Variants in CTNNA3 observed in about 807,000 individuals in gnomAD.
The protein encoded by CTNNA3 is catenin alpha 3, also known as catenin alpha-3.
In CTNNA3, 76 loss-of-function variants were observed where a neutral mutation model predicts 95.7. The observed-to-expected ratio is 0.79, with a 90% CI of 0.66 to 0.96. CTNNA3 has a LOEUF of 0.96. Among genes scored for constraint, CTNNA3 ranks in the 40% least tolerant of loss-of-function variants. The probability of loss-of-function intolerance (pLI) is 0.00; values close to 1 mark genes in which losing one functional copy is unlikely to be tolerated. For missense variants in CTNNA3, 1,191 were observed against 1,089.8 expected (o/e 1.09, Z -1.31); for synonymous variants, 431 against 374.4 (o/e 1.15, Z -1.74).
intron 1 of CTNNA3, among the ~76,000 whole-genome samples, chr10:67,669,587 TGA>T (rs1840394012): frequency 6.6e-6 from 1 of 152,334 alleles, no homozygotes; most frequent in African/African-American, 2.4e-5. Context: ...TGATGTGAAA[TGA>T]GACCTATAAA....
At chr10:65,957,132 C>T (rs2077747660) in intron 17 of CTNNA3, among the ~76,000 whole-genome samples, 1 of 152,104 alleles carries the variant, frequency 6.6e-6, no homozygotes, top group South Asian at 2.1e-4. Flanking sequence ...GATCCCTTTA[C>T]CATTATGTAA....
At chr10:67,478,456 C>T (rs1316040051) in intron 5 of CTNNA3, among the ~76,000 whole-genome samples, 1 of 152,070 alleles carries the variant, frequency 6.6e-6, no homozygotes, top group Non-Finnish European at 1.5e-5. Context: ...ATTTGTAAGC[C>T]AGGAGAGATT....
chr10:67,516,723 G>A (rs953920902), intron 5 of CTNNA3, among the ~76,000 whole-genome samples: 4 of 152,106 alleles, frequency 2.6e-5, no homozygotes, highest in African/African-American at 9.7e-5. Flanking sequence ...CATCTTATAA[G>A]TGAAAATGTG....
intron 13 of CTNNA3, among the ~76,000 whole-genome samples, chr10:66,206,829 G>A (rs2087789183): frequency 6.6e-6 from 1 of 151,742 alleles, no homozygotes. Context: ...AGCTTTAAGG[G>A]GTAGAATCAG....
intron 7 of CTNNA3, among the ~76,000 whole-genome samples, chr10:67,066,535 CAAA>C (rs57093251): frequency 3.7e-5 from 3 of 80,132 alleles, no homozygotes; most frequent in Non-Finnish European, 6.2e-5. Flanking sequence ...CAGTTCTTGA[CAAA>C]AAAAAAAAAA....
In CTNNA3 at chr10:67,664,703, G is replaced by A. The variant is rs1263963612; in HGVS notation, c.-5-17185C>T. On this transcript the variant is annotated intron_variant, in intron 1 of 17. Coordinates refer to ENST00000433211, the MANE Select transcript of CTNNA3 (RefSeq NM_013266.4). ...TATAAGTCACCTTAAATCCTTTCTA[G>A]AACAAGACAAGGAATAAATAAAGAG... 4.0e-5 allele frequency among the ~76,000 whole-genome samples: 6 copies of A among 151,890 alleles called. No individual in the cohort carries two copies. The East Asian group carries it at 1.2e-3, about 29-fold the overall frequency.
chr10:67,297,056 A>G (rs1840069521), intron 5 of CTNNA3, among the ~76,000 whole-genome samples: 1 of 150,540 alleles, frequency 6.6e-6, no homozygotes, highest in African/African-American at 2.5e-5. Flanking sequence ...CATATTGTTG[A>G]GCTTTGTATG....
intron 11 of CTNNA3, among the ~76,000 whole-genome samples, chr10:66,451,069 T>TAC (rs1008280146): frequency 4.6e-5 from 7 of 152,124 alleles, no homozygotes; most frequent in Middle Eastern, 3.4e-3. Context: ...TACACACACA[T>TAC]ACACACACAT....
At chr10:67,392,911 TG>T (rs1427509489) in intron 5 of CTNNA3, among the ~76,000 whole-genome samples, 3 of 150,838 alleles carry the variant, frequency 2.0e-5, no homozygotes, top group Non-Finnish European at 4.4e-5. Flanking sequence ...TGTTGTGGGG[TG>T]GGGGGAAGCA....
At chr10:67,514,298 A>G (rs1839738184) in intron 5 of CTNNA3, among the ~76,000 whole-genome samples, 1 of 152,194 alleles carries the variant, frequency 6.6e-6, no homozygotes, top group Non-Finnish European at 1.5e-5. Flanking sequence ...AGATTGTCTC[A>G]AACATAAAAA....
chr10:66,528,158 G>A (rs2132040671), intron 10 of CTNNA3, among the ~76,000 whole-genome samples: 1 of 152,176 alleles, frequency 6.6e-6, no homozygotes, highest in East Asian at 1.9e-4. Flanking sequence ...ATAGAGGCCT[G>A]TCCAAATTAG....
chr10:66,280,615 G>A lies in CTNNA3; in HGVS notation c.1739C>T (p.Pro580Leu), dbSNP rs368000502. Residue 580 changes from proline (P) to leucine (L), a missense_variant, in exon 13 of 18, where the codon CCT (proline) becomes CTT (leucine). Pro to Leu is a moderately conservative substitution (Grantham distance 98). Transcript: ENST00000433211. ...AACATTCACTTGTGTTACAAATTCA[G>A]GAATTACTGTTAAAATAAAGAATAA... ...NVNFLTSTVI[P>L]EFVTQVNVAL... 11 of 1,602,706 alleles carry A rather than the reference G, an allele frequency of 6.9e-6. No individual in the cohort carries two copies. In the African/African-American group the frequency reaches 1.3e-4, roughly 20 times the overall value.
intron 13 of CTNNA3, among the ~76,000 whole-genome samples, chr10:66,231,370 A>C (rs1002942202): frequency 6.6e-6 from 1 of 152,194 alleles, no homozygotes; most frequent in Non-Finnish European, 1.5e-5. Flanking sequence ...TAGAAAAAAA[A>C]ATCATAAGAT....
chr10:66,006,465 C>G (rs1482501237), intron 15 of CTNNA3, among the ~76,000 whole-genome samples: 1 of 152,132 alleles, frequency 6.6e-6, no homozygotes, highest in Non-Finnish European at 1.5e-5. Context: ...GTACTCAGCA[C>G]CAACATTTGA....
rs145359897 is a variant in CTNNA3 at position 66,638,018 on chromosome 10, C to G, written c.1282-16234G>C. 6.6e-5 allele frequency among the ~76,000 whole-genome samples: 10 copies of G among 152,276 alleles called. No individual in the cohort carries two copies. The East Asian group carries it at 1.9e-3, about 29-fold the overall frequency. On this transcript the variant is annotated intron_variant, in intron 9 of 17. Coordinates refer to ENST00000433211, the MANE Select transcript of CTNNA3 (RefSeq NM_013266.4). ...CACAATGTTTCTCTTCCCTAACAGC[C>G]TACCCTTTGGACCCTGATGGCTCAT... is the stretch of plus-strand genomic sequence containing the variant.
intron 13 of CTNNA3, among the ~76,000 whole-genome samples, chr10:66,178,981 A>G (rs531590865): frequency 2.2e-4 from 33 of 152,142 alleles, no homozygotes; most frequent in African/African-American, 7.2e-4. Context: ...ACCACCCTGG[A>G]AAAGAGTTTG....
At chr10:67,229,946 T>A (rs1865109734) in intron 5 of CTNNA3, among the ~76,000 whole-genome samples, 1 of 152,136 alleles carries the variant, frequency 6.6e-6, no homozygotes, top group Non-Finnish European at 1.5e-5. Flanking sequence ...ACTACCATCA[T>A]TCTTCACAGG....
At chr10:66,476,956 T>G (rs187275865) in intron 11 of CTNNA3, among the ~76,000 whole-genome samples, 85 of 152,224 alleles carry the variant, frequency 5.6e-4, no homozygotes, top group African/African-American at 1.2e-3. Context: ...TATCAAACAT[T>G]CAAAATGTAT....
intron 5 of CTNNA3, among the ~76,000 whole-genome samples, chr10:67,358,457 C>CA (rs775284084): frequency 6.6e-6 from 1 of 151,922 alleles, no homozygotes; most frequent in Non-Finnish European, 1.5e-5. Flanking sequence ...TAAAAGTTGA[C>CA]AAAAAAGAAC....
Sources: allele counts gnomAD v4.1 joint callset (sites outside exome capture counted in the v4.1 genomes callset), GRCh38; gene constraint gnomAD v4.1.1; transcripts MANE v1.5; gene names NCBI Gene and HGNC (gene_info 2026-07-23, HGNC 2026-07-21).